The following CATSPERT variants were observed in gnomAD, a reference collection of about 807,000 sequenced individuals.
The protein encoded by CATSPERT is catsper channel auxiliary subunit tau, also known as cation channel sperm-associated targeting subunit tau.
the CATSPERT span, among the ~76,000 whole-genome samples, chr2:201,543,564 C>T: frequency 1.3e-5 from 2 of 152,218 alleles, no homozygotes; most frequent in East Asian, 1.9e-4. Flanking sequence ...AGGTCTTTGA[C>T]CTCCTTTGAA....
chr2:201,515,221 T>G, the CATSPERT span, among the ~76,000 whole-genome samples: 1 of 57,708 alleles, frequency 1.7e-5, no homozygotes, highest in African/African-American at 1.3e-4. Context: ...TTTTTTTTTT[T>G]TTTTTTTTTT....
chr2:201,550,803 T>C, the CATSPERT span: 34 of 152,288 alleles, frequency 2.2e-4, no homozygotes, highest in African/African-American at 7.5e-4. Flanking sequence ...AATCACCCCA[T>C]TATCAATATA....
At chr2:201,591,574 G>A in the CATSPERT span, among the ~76,000 whole-genome samples, 1 of 152,096 alleles carries the variant, frequency 6.6e-6, no homozygotes. Context: ...ATTACCTTGG[G>A]CAGTATGGCC....
the CATSPERT span, among the ~76,000 whole-genome samples, chr2:201,515,752 T>C: frequency 6.6e-6 from 1 of 152,160 alleles, no homozygotes; most frequent in South Asian, 2.1e-4. Flanking sequence ...CCAAATCTCA[T>C]ATCAAATTGT....
the CATSPERT span, among the ~76,000 whole-genome samples, chr2:201,561,674 C>T: frequency 1.3e-5 from 2 of 152,066 alleles, no homozygotes; most frequent in Non-Finnish European, 2.9e-5. Context: ...AAGTTCGAGA[C>T]CAGCCTGACC....
the CATSPERT span, among the ~76,000 whole-genome samples, chr2:201,523,069 C>G: frequency 6.6e-6 from 1 of 152,208 alleles, no homozygotes; most frequent in African/African-American, 2.4e-5. Flanking sequence ...ATGCATCCAC[C>G]TGCAGCCTCC....
the CATSPERT span, among the ~76,000 whole-genome samples, chr2:201,609,245 G>T: frequency 6.6e-6 from 1 of 152,024 alleles, no homozygotes; most frequent in Non-Finnish European, 1.5e-5. Flanking sequence ...TAATATCTGG[G>T]GACTTTAACA....
At chr2:201,588,090 C>T in the CATSPERT span, among the ~76,000 whole-genome samples, 1 of 152,124 alleles carries the variant, frequency 6.6e-6, no homozygotes, top group African/African-American at 2.4e-5. Context: ...AGTACCATTC[C>T]TACTGAAACT....
At chr2:201,554,497 A>T in the CATSPERT span, 1 of 152,116 alleles carries the variant, frequency 6.6e-6, no homozygotes. Context: ...GTTTCATCAA[A>T]TTATTCCTCT....
At chr2:201,580,328 A>G in the CATSPERT span, among the ~76,000 whole-genome samples, 1 of 152,216 alleles carries the variant, frequency 6.6e-6, no homozygotes, top group Non-Finnish European at 1.5e-5. Flanking sequence ...CGCTGTTACT[A>G]CGGCACCATG....
chr2:201,512,053 A>AT, the CATSPERT span, among the ~76,000 whole-genome samples: 10 of 151,968 alleles, frequency 6.6e-5, no homozygotes, highest in Admixed American at 6.6e-4. Flanking sequence ...AAGTCTGTTG[A>AT]TTGTATATAC....
the CATSPERT span, among the ~76,000 whole-genome samples, chr2:201,612,913 T>A: frequency 6.6e-6 from 1 of 152,198 alleles, no homozygotes; most frequent in Non-Finnish European, 1.5e-5. Context: ...ATCCCATGCC[T>A]GGCTTGGAAG....
chr2:201,510,201 T>C, the CATSPERT span, among the ~76,000 whole-genome samples: 1 of 150,556 alleles, frequency 6.6e-6, no homozygotes, highest in African/African-American at 2.5e-5. Context: ...TGTAATCATT[T>C]GGGAGGCCAA....
the CATSPERT span, chr2:201,545,629 C>CAAAAAAAAAA: frequency 1.8e-4 from 28 of 156,542 alleles, 1 homozygote; most frequent in South Asian, 3.7e-4. Context: ...TTCCTAGAAG[C>CAAAAAAAAAA]AAAAAAAAAA....
the CATSPERT span, among the ~76,000 whole-genome samples, chr2:201,563,905 C>T: frequency 1.3e-5 from 2 of 152,170 alleles, no homozygotes; most frequent in Non-Finnish European, 2.9e-5. Flanking sequence ...AGACATGGAG[C>T]CCATCATTTG....
chr2:201,601,960 A>C, the CATSPERT span: 143 of 1,100,594 alleles, frequency 1.3e-4, no homozygotes, highest in African/African-American at 1.7e-3. Flanking sequence ...TAATACATTA[A>C]ACGATTCAGA....
the CATSPERT span, among the ~76,000 whole-genome samples, chr2:201,488,716 G>A: frequency 0.056 from 8,477 of 152,142 alleles, 283 homozygotes; most frequent in African/African-American, 0.073. Context: ...AGGTGGGGAT[G>A]GATTAATAGA....
chr2:201,595,659 G>C, the CATSPERT span, among the ~76,000 whole-genome samples: 4 of 151,090 alleles, frequency 2.6e-5, no homozygotes, highest in African/African-American at 9.9e-5. Context: ...CAGATCTCCA[G>C]CTGCGTGCTG....
chr2:201,500,035 T>C, the CATSPERT span, among the ~76,000 whole-genome samples: 1 of 151,884 alleles, frequency 6.6e-6, no homozygotes, highest in South Asian at 2.1e-4. Context: ...GCTAGTTGCC[T>C]TCCTAAAATG....
Sources: allele counts gnomAD v4.1 joint callset (sites outside exome capture counted in the v4.1 genomes callset), GRCh38; gene constraint gnomAD v4.1.1; transcripts MANE v1.5; gene names NCBI Gene and HGNC (gene_info 2026-07-23, HGNC 2026-07-21).